Variants in ZFC3H1 observed in about 807,000 individuals in gnomAD.
The protein encoded by ZFC3H1 is zinc finger C3H1 domain-containing protein.
Under a neutral mutation model 243.7 loss-of-function variants are expected in ZFC3H1, and 71 were observed. The ratio of observed to expected loss-of-function variants is 0.29; its 90% confidence interval spans 0.24 to 0.36. The LOEUF (loss-of-function observed/expected upper bound fraction) is 0.36, where lower values mean the gene tolerates loss of function less well. Among genes scored for constraint, ZFC3H1 ranks in the 10% least tolerant of loss-of-function variants. The probability of loss-of-function intolerance (pLI) is 1.00; values close to 1 mark genes in which losing one functional copy is unlikely to be tolerated. For missense variants in ZFC3H1, 1,966 were observed against 2,317.1 expected, an observed-to-expected ratio of 0.85 and a Z score of 3.11; for synonymous variants, 838 against 813.0, an observed-to-expected ratio of 1.03 and a Z score of -0.52.
intron 1 of ZFC3H1, among the ~76,000 whole-genome samples, chr12:71,661,145 T>C (rs1467898782): frequency 6.6e-6 from 1 of 151,552 alleles, no homozygotes; most frequent in African/African-American, 2.4e-5. Flanking sequence ...CTACTAAAAA[T>C]ATAAAAAATT....
Position 71,609,658 on chromosome 12 carries a change from GT to G in ZFC3H1, c.*769del, listed in dbSNP as rs1879719574. 6.6e-6 allele frequency: 1 copy of G among 152,270 alleles called. No individual in the cohort carries two copies. The highest frequency in any genetic ancestry group is 6.6e-5 in the Admixed American group (1 of 15,244). 9.4% of individuals were successfully genotyped at this position (152,270 alleles called of 1,614,324 possible). On this transcript the variant is annotated 3_prime_UTR_variant, in exon 35 of 35. Coordinates refer to ENST00000378743, the MANE Select transcript of ZFC3H1 (RefSeq NM_144982.5). ...TAAACAATTTCAATACTACAAAGTA[GT>G]ATTTCAATACAAAGCAGTTCAAATA...
intron 16 of ZFC3H1, 57 bp downstream of exon 16, chr12:71,631,719 AAT>A (rs1393232238): frequency 3.9e-5 from 55 of 1,397,486 alleles, no homozygotes; most frequent in Non-Finnish European, 1.7e-5. Context: ...TTCAAGATAA[AAT>A]ATTAAAAACC....
rs1236633292 is a variant in ZFC3H1, at chr12:71,613,378, G to A, written c.5584C>T (p.Arg1862Trp). 14 of 1,609,290 alleles carry A rather than the reference G, an allele frequency of 8.7e-6. No individual in the cohort carries two copies. The highest frequency in any genetic ancestry group is 1.1e-5 in the Non-Finnish European group (13 of 1,177,132). Residue 1862 changes from arginine to tryptophan, a missense_variant, in exon 31 of 35, where the codon CGG becomes TGG. Physicochemically the swap from Arg to Trp is moderately radical, Grantham distance 101. Around this residue, in one of 4 missense-constraint regions of ZFC3H1, gnomAD observed 1,383 missense variants for 1,723.7 expected, o/e 0.80. Transcript: ENST00000378743. ...TTAGCTGGCATAACTGAACAAAACC[G>A]TTCCAAGGTTTTGGAATGCTGGGTC... The part of the protein sequence containing the change: ...PKTQHSKTLE[R>W]FCSVMPANSG...
chr12:71,643,443 T>C (rs994455895), intron 5 of ZFC3H1, among the ~76,000 whole-genome samples: 6 of 151,904 alleles, frequency 3.9e-5, no homozygotes, highest in African/African-American at 1.2e-4. Flanking sequence ...AGTATAAATA[T>C]TTACAATATT....
At chr12:71,661,715 C>T (rs1290898852) in intron 1 of ZFC3H1, among the ~76,000 whole-genome samples, 1 of 152,060 alleles carries the variant, frequency 6.6e-6, no homozygotes, top group African/African-American at 2.4e-5. Flanking sequence ...CTCCTGATCT[C>T]AAGTGATCCA....
chr12:71,656,228 T>C (rs1465439336), intron 2 of ZFC3H1: 1 of 221,310 alleles, frequency 4.5e-6, no homozygotes, highest in Non-Finnish European at 8.7e-6. Context: ...TGTCTACATT[T>C]GTCAAAACCT....
chr12:71,651,449 A>C (rs1880884438), intron 2 of ZFC3H1, among the ~76,000 whole-genome samples: 2 of 152,238 alleles, frequency 1.3e-5, no homozygotes, highest in Non-Finnish European at 2.9e-5. Context: ...ATGTAAGCCC[A>C]TGAAAACATA....
At chr12:71,622,621 C>G (rs1880060187) in intron 24 of ZFC3H1, among the ~76,000 whole-genome samples, 1 of 152,126 alleles carries the variant, frequency 6.6e-6, no homozygotes, top group African/African-American at 2.4e-5. Flanking sequence ...AATCACCACG[C>G]CCGGCTAAAT....
At chr12:71,639,049 G>T (rs906100950) in intron 6 of ZFC3H1, among the ~76,000 whole-genome samples, 3 of 152,076 alleles carry the variant, frequency 2.0e-5, no homozygotes, top group African/African-American at 7.2e-5. Flanking sequence ...TCAATAAGGT[G>T]CACATTTTTT....
intron 2 of ZFC3H1, among the ~76,000 whole-genome samples, chr12:71,655,616 G>A (rs1880997044): frequency 6.6e-6 from 1 of 152,098 alleles, no homozygotes; most frequent in South Asian, 2.1e-4. Context: ...TACATAAACT[G>A]TCTTAACAGA....
At chr12:71,614,993 G>T in intron 28 of ZFC3H1, 55 bp from the exon 29 acceptor site, 1 of 1,438,462 alleles carries the variant, frequency 7.0e-7, no homozygotes, top group Non-Finnish European at 9.8e-7. Context: ...ATCAGGTGAA[G>T]GAATGACAAA....
intron 2 of ZFC3H1, among the ~76,000 whole-genome samples, chr12:71,649,749 TGA>T (rs1405571035): frequency 6.6e-6 from 1 of 152,238 alleles, no homozygotes; most frequent in Non-Finnish European, 1.5e-5. Flanking sequence ...GAGAAACTTA[TGA>T]GTTTCATTAA....
intron 34 of ZFC3H1, 38 bp from the exon 35 acceptor site, chr12:71,610,603 TAG>T: frequency 6.2e-7 from 1 of 1,612,558 alleles, no homozygotes; most frequent in Non-Finnish European, 8.5e-7. Flanking sequence ...AAGACTTAGC[TAG>T]AGTTTGAGCA....
intron 5 of ZFC3H1, among the ~76,000 whole-genome samples, chr12:71,643,509 A>G (rs1472146975): frequency 6.6e-6 from 1 of 151,156 alleles, no homozygotes; most frequent in Non-Finnish European, 1.5e-5. Flanking sequence ...ATATCCCTCT[A>G]CTCTTCATTA....
Position 71,663,603 on chromosome 12 carries a change from G to T in ZFC3H1, c.8C>A (p.Thr3Asn), listed in dbSNP as rs1237086360. The T allele has an allele frequency of 6.2e-7, 1 of 1,608,870 alleles. No homozygotes were observed. Among genetic ancestry groups the T allele is most frequent in the South Asian group, 1.1e-5 (1 of 91,064 alleles). The change falls in exon 1 of 35, where the codon ACC becomes AAC. Residue 3 changes from threonine (T) to asparagine (N), a missense_variant. Transcript: ENST00000378743. MA[T>N]ADTPAPASSG... ...GGAGGCCGGGGCCGGAGTATCTGCG[G>T]TCGCCATCCGGGGAGCAGCGCCTTC... is the stretch of plus-strand genomic sequence containing the variant.
In ZFC3H1 at chr12:71,634,823, T is replaced by C. The variant is rs1880419487; in HGVS notation, c.2241A>G (p.Gln747=). 1 of 1,537,292 alleles carries C rather than the reference T, an allele frequency of 6.5e-7. No homozygotes were observed. Among genetic ancestry groups the C allele is most frequent in the Non-Finnish European group, 8.7e-7 (1 of 1,143,938 alleles). The change falls in exon 11 of 35, where the codon CAA becomes CAG. Residue 747 remains glutamine, a splice_region_variant and synonymous_variant. Transcript: ENST00000378743. ...MIKEARRTAE[Q]ASKPKVPPKS... The stretch of plus-strand genomic sequence containing the variant: ...TTGGAGGTACTTTCGGTTTTGAAGC[T>C]TGCTAAAAAAAAAAAAACATTTGAA...
Position 71,632,411 on chromosome 12 carries a change from T to C in ZFC3H1, c.2921A>G (p.Tyr974Cys), listed in dbSNP as rs199573764. The change falls in exon 15 of 35, where the codon TAT becomes TGT. Residue 974 changes from tyrosine to cysteine, a missense_variant. Transcript: ENST00000378743. ...MEKRRLQKLE[Y>C]EYALKIQKLK... is the part of the protein sequence containing the mutation. ...TTTTTGAATTTTCAGGGCATATTCA[T>C]ATTCTAGCTTTTGTAACCGTCTTTT... 2.2e-4 allele frequency: 349 copies of C among 1,612,188 alleles called. No homozygotes were observed. The African/African-American group carries it at 4.2e-3, about 19-fold the overall frequency.
chr12:71,652,491 GC>G (rs1565827088), intron 2 of ZFC3H1, among the ~76,000 whole-genome samples: 1 of 152,086 alleles, frequency 6.6e-6, no homozygotes, highest in African/African-American at 2.4e-5. Context: ...TAATCTCAAT[GC>G]CCTTAAAAAG....
chr12:71,646,124 T>C (rs1880724466), intron 3 of ZFC3H1, among the ~76,000 whole-genome samples: 1 of 152,338 alleles, frequency 6.6e-6, no homozygotes. Flanking sequence ...AAACAGTGGA[T>C]ACTAACTAAT....
Sources: allele counts gnomAD v4.1 joint callset (sites outside exome capture counted in the v4.1 genomes callset), GRCh38; gene constraint gnomAD v4.1.1; regional missense constraint gnomAD v4.1.1; transcripts MANE v1.5; gene names NCBI Gene and HGNC (gene_info 2026-07-23, HGNC 2026-07-21).